The following DLGAP4 variants were observed in gnomAD, a reference collection of about 807,000 sequenced individuals.
The protein encoded by DLGAP4 is DLG associated protein 4, also known as disks large-associated protein 4.
Under a neutral mutation model 86.9 loss-of-function variants are expected in DLGAP4, and 18 were observed. The observed-to-expected ratio is 0.21, with a 90% CI of 0.14 to 0.31. The LOEUF is 0.31. Ranked by LOEUF, DLGAP4 falls within the 10% of genes least tolerant of loss-of-function variation. DLGAP4 has a pLI of 1.00. For missense variants in DLGAP4, 1,085 were observed against 1,362.6 expected, an observed-to-expected ratio of 0.80 and a Z score of 3.21; for synonymous variants, 548 against 574.3, an observed-to-expected ratio of 0.95 and a Z score of 0.65.
At chr20:36,380,656 AGAG>A (rs2031354781) in intron 2 of DLGAP4, among the ~76,000 whole-genome samples, 1 of 118,104 alleles carries the variant, frequency 8.5e-6, no homozygotes, top group Non-Finnish European at 1.8e-5. Flanking sequence ...AGAGAGAGAG[AGAG>A]AGAGAATCTC....
intron 1 of DLGAP4, among the ~76,000 whole-genome samples, chr20:36,326,949 A>G (rs1279401777): frequency 6.7e-6 from 1 of 150,194 alleles, no homozygotes; most frequent in Non-Finnish European, 1.5e-5. Context: ...CCTTGTTACC[A>G]GTATGTAACA....
At chr20:36,371,621 C>T (rs556681442) in intron 2 of DLGAP4, among the ~76,000 whole-genome samples, 1 of 152,318 alleles carries the variant, frequency 6.6e-6, no homozygotes, top group African/African-American at 2.4e-5. Flanking sequence ...ACCCATTTGT[C>T]CATCACCACG....
intron 2 of DLGAP4, among the ~76,000 whole-genome samples, chr20:36,378,567 C>T (rs761096738): frequency 6.6e-6 from 1 of 152,100 alleles, no homozygotes; most frequent in South Asian, 2.1e-4. Context: ...CAGGCAGAGG[C>T]TGCCACATCC....
chr20:36,446,576 G>T, intron 6 of DLGAP4, 121 bp from the exon 7 acceptor site: 1 of 860,522 alleles, frequency 1.2e-6, no homozygotes, highest in East Asian at 2.5e-5. Flanking sequence ...AGATGGACAG[G>T]GGTGGGCTGA....
At chr20:36,317,293 TTA>T (rs1400996806) in intron 1 of DLGAP4, among the ~76,000 whole-genome samples, 2,605 of 27,224 alleles carry the variant, frequency 0.096, 168 homozygotes, top group African/African-American at 0.27. Flanking sequence ...TCTTTCTTTC[TTA>T]TCTTTCTTTC....
intron 10 of DLGAP4, among the ~76,000 whole-genome samples, chr20:36,517,216 T>C (rs2037094614): frequency 6.6e-6 from 1 of 151,624 alleles, no homozygotes; most frequent in African/African-American, 2.4e-5. Flanking sequence ...CCGTCTCTAC[T>C]TAAAATATAA....
intron 7 of DLGAP4, among the ~76,000 whole-genome samples, chr20:36,455,124 G>A (rs183374053): frequency 6.6e-6 from 1 of 152,164 alleles, no homozygotes; most frequent in African/African-American, 2.4e-5. Context: ...AGAAAAAGAA[G>A]AAAGGAGAAC....
intron 1 of DLGAP4, among the ~76,000 whole-genome samples, chr20:36,318,960 G>A (rs1344015561): frequency 3.3e-5 from 5 of 152,016 alleles, no homozygotes; most frequent in Admixed American, 6.6e-5. Context: ...CCTGACCAAC[G>A]AGGTGAAACC....
Position 36,432,046 on chromosome 20 carries a change from A to G in DLGAP4, c.329A>G (p.Lys110Arg). 6.2e-7 allele frequency: 1 copy of G among 1,614,146 alleles called. No homozygotes were observed. The highest frequency in any genetic ancestry group is 8.5e-7 in the Non-Finnish European group (1 of 1,180,036). The change falls in exon 3 of 13, where the codon AAG becomes AGG. Residue 110 changes from lysine (K) to arginine (R), a missense_variant. Lys to Arg is a conservative substitution (Grantham distance 26). Coordinates refer to ENST00000339266, the MANE Select transcript of DLGAP4 (RefSeq NM_001365621.2). The surrounding 1 kb of genome is among the most constrained non-coding windows in gnomAD (Gnocchi z 6.5). ...GCCAACCTCCTGGACCAGTTTGAGAAGCAGCTGCCCATCCACCGTGATGGC... is the reference window on the plus strand; with the variant it reads ...GCCAACCTCCTGGACCAGTTTGAGAGGCAGCTGCCCATCCACCGTGATGGC... ...LPANLLDQFE[K>R]QLPIHRDGFS...
chr20:36,525,923 G>A lies in DLGAP4; in HGVS notation c.2677G>A (p.Glu893Lys), dbSNP rs752473304. Reference protein sequence around the residue: ...GFWDLLQLSIEDISMKFDELY... With the variant: ...GFWDLLQLSIKDISMKFDELY... ...CTGGGACCTGCTACAGCTGTCCATC[G>A]AGGATATCAGCATGAAGTTCGATGA... The change falls in exon 12 of 13, where the codon GAG (glutamate) becomes AAG (lysine). Residue 893 changes from glutamate to lysine, a missense_variant. Transcript: ENST00000339266. 5 of 1,613,850 alleles carry A rather than the reference G, an allele frequency of 3.1e-6. No homozygotes were observed. Among genetic ancestry groups the A allele is most frequent in the East Asian group, 2.2e-5 (1 of 44,840 alleles).
At chr20:36,469,519 G>A (rs555509137) in intron 7 of DLGAP4, among the ~76,000 whole-genome samples, 1 of 152,188 alleles carries the variant, frequency 6.6e-6, no homozygotes, top group Non-Finnish European at 1.5e-5. Flanking sequence ...TTGAGAGGCT[G>A]AGGCGGGCGG....
intron 1 of DLGAP4, 56 bp from the exon 2 acceptor site, chr20:36,366,989 A>C (rs1299844493): frequency 6.6e-6 from 1 of 152,204 alleles, no homozygotes; most frequent in Non-Finnish European, 1.5e-5. Context: ...TAAGGGTCTC[A>C]GGTGGAGGGC....
intron 1 of DLGAP4, among the ~76,000 whole-genome samples, chr20:36,334,048 G>A (rs973680915): frequency 1.1e-4 from 17 of 152,196 alleles, no homozygotes; most frequent in African/African-American, 3.9e-4. Flanking sequence ...TGTGTGCTGC[G>A]TCATTCAGCA....
At chr20:36,502,263 G>A (rs2036178582) in intron 10 of DLGAP4, among the ~76,000 whole-genome samples, 1 of 152,036 alleles carries the variant, frequency 6.6e-6, no homozygotes, top group African/African-American at 2.4e-5. Flanking sequence ...TTATTATTGC[G>A]TTTTCTTCTT....
chr20:36,344,637 C>G lies in DLGAP4; in HGVS notation c.-303-22408C>G, dbSNP rs140703149. On this transcript the variant is annotated intron_variant, in intron 1 of 12. Coordinates refer to ENST00000339266, the MANE Select transcript of DLGAP4 (RefSeq NM_001365621.2). The stretch of plus-strand genomic sequence containing the variant: ...GTACTCATCTTCCTTTCTTAATCCC[C>G]AACCTCCAGCTGCTCTTAGAAGTGT... 4.8e-3 allele frequency among the ~76,000 whole-genome samples: 735 copies of G among 152,342 alleles called. 3 individuals carry two copies. Among genetic ancestry groups the G allele is most frequent in the African/African-American group, 0.017 (689 of 41,562 alleles).
At chr20:36,524,473 G>A in intron 11 of DLGAP4, 132 bp downstream of exon 11, 1 of 711,542 alleles carries the variant, frequency 1.4e-6, no homozygotes, top group Non-Finnish European at 2.3e-6. Context: ...GGTGCTGGAA[G>A]GACAGTGGCA....
At chr20:36,525,236 A>AC (rs2037652338) in intron 11 of DLGAP4, among the ~76,000 whole-genome samples, 1 of 132,262 alleles carries the variant, frequency 7.6e-6, no homozygotes, top group Non-Finnish European at 1.6e-5. Flanking sequence ...AAAAAAAAAA[A>AC]AAAAAAAAAA....
At chr20:36,427,701 G>A (rs1265802775) in intron 2 of DLGAP4, among the ~76,000 whole-genome samples, 1 of 152,052 alleles carries the variant, frequency 6.6e-6, no homozygotes, top group Non-Finnish European at 1.5e-5. Flanking sequence ...CCAGCATTTT[G>A]GGAGGCCAAG....
At chr20:36,448,001 C>T (rs1197140723) in intron 7 of DLGAP4, among the ~76,000 whole-genome samples, 2 of 148,738 alleles carry the variant, frequency 1.3e-5, no homozygotes. Context: ...CAGCAAACCA[C>T]CGTGGCGCAT....
Sources: gnomAD v4.1 joint callset for allele counts (sites outside exome capture counted in the v4.1 genomes callset) on GRCh38, gnomAD v4.1.1 for gene constraint, Gnocchi (gnomAD v3.1) non-coding constraint, MANE v1.5 for transcripts, NCBI Gene and HGNC (gene_info 2026-07-23, HGNC 2026-07-21) for gene names.